The following DISC1 variants were observed in gnomAD, a reference collection of about 807,000 sequenced individuals.
The protein encoded by DISC1 is DISC1 scaffold protein.
DISC1 carries 57 observed loss-of-function variants against 84.5 expected under a neutral mutation model. The ratio of observed to expected loss-of-function variants is 0.67; its 90% CI spans 0.55 to 0.84. DISC1 has a LOEUF of 0.84. Ranked by LOEUF, DISC1 falls within the 40% of genes least tolerant of loss-of-function variation. DISC1 has a pLI of 0.00. For missense variants in DISC1, 1,000 were observed against 1,057.8 expected, an observed-to-expected ratio of 0.95 and a Z score of 0.76; for synonymous variants, 411 against 415.2, an observed-to-expected ratio of 0.99 and a Z score of 0.12.
At chr1:231,695,259 C>T (rs2065502621) in intron 2 of DISC1, among the ~76,000 whole-genome samples, 1 of 152,226 alleles carries the variant, frequency 6.6e-6, no homozygotes, top group African/African-American at 2.4e-5. Flanking sequence ...TGGCTGCTGC[C>T]TTCCACAGGG....
At chr1:232,012,023 T>A (rs1222255634) in intron 11 of DISC1, among the ~76,000 whole-genome samples, 21 of 152,156 alleles carry the variant, frequency 1.4e-4, no homozygotes. Flanking sequence ...TGATGAAGAT[T>A]TAAATAAAAG....
intron 1 of DISC1, among the ~76,000 whole-genome samples, chr1:231,636,049 G>T (rs2059172393): frequency 6.6e-6 from 1 of 152,148 alleles, no homozygotes; most frequent in South Asian, 2.1e-4. Context: ...ATAGATGGAG[G>T]AAGAAAGAAG....
chr1:232,034,219 C>T (rs1670314044), intron 12 of DISC1, among the ~76,000 whole-genome samples: 1 of 152,086 alleles, frequency 6.6e-6, no homozygotes, highest in South Asian at 2.1e-4. Context: ...TTTGACAGAG[C>T]CTAAGGTATT....
chr1:231,844,868 A>T (rs1010319067), intron 9 of DISC1, among the ~76,000 whole-genome samples: 1 of 150,550 alleles, frequency 6.6e-6, no homozygotes, highest in Non-Finnish European at 1.5e-5. Context: ...CGGAGCTTGC[A>T]GTGAGCTGAA....
intron 9 of DISC1, among the ~76,000 whole-genome samples, chr1:231,914,183 T>C (rs2089456244): frequency 6.6e-6 from 1 of 152,118 alleles, no homozygotes; most frequent in Non-Finnish European, 1.5e-5. Flanking sequence ...TACATCTGTG[T>C]TCCAGGCAGA....
chr1:231,723,662 C>T (rs2070205180), intron 3 of DISC1: 4 of 985,480 alleles, frequency 4.1e-6, no homozygotes, highest in Non-Finnish European at 3.6e-6. Context: ...TGGATTATGA[C>T]ACTGTCAGCC....
intron 3 of DISC1, chr1:231,720,845 C>G: frequency 7.7e-7 from 1 of 1,290,890 alleles, no homozygotes; most frequent in Non-Finnish European, 1.0e-6. Flanking sequence ...GTTTCGTTTA[C>G]AGGTTTGTTG....
Position 231,804,460 on chromosome 1 carries a change from C to CTT in DISC1, c.1792+4264_1792+4265dup, listed in dbSNP as rs559499171. 5.9e-3 allele frequency among the ~76,000 whole-genome samples: 828 copies of CTT among 140,126 alleles called. 6 individuals carry two copies. The highest frequency in any genetic ancestry group is 0.021 in the African/African-American group (789 of 38,472). The allele number at this position is 140,126 out of a possible 152,430, so 91.9% of individuals were successfully genotyped here. The stretch of plus-strand genomic sequence containing the variant: ...AGAGAACAGGACAAGATCCCCCTTC[C>CTT]TTTTTTTTTTTTTTTGAGGCAAGGT... On this transcript the variant is annotated intron_variant, in intron 8 of 12. Coordinates refer to ENST00000439617, the MANE Select transcript of DISC1 (RefSeq NM_018662.3).
intron 3 of DISC1, among the ~76,000 whole-genome samples, chr1:231,725,293 T>C (rs1270109206): frequency 6.6e-6 from 1 of 152,222 alleles, no homozygotes; most frequent in Non-Finnish European, 1.5e-5. Context: ...ACAAGCCTCC[T>C]GACCCAAACA....
intron 11 of DISC1, among the ~76,000 whole-genome samples, chr1:232,013,127 C>T (rs201064077): frequency 2.0e-5 from 3 of 152,140 alleles, no homozygotes; most frequent in Non-Finnish European, 4.4e-5. Flanking sequence ...GGCCATAATA[C>T]CTGCGTAATT....
intron 1 of DISC1, among the ~76,000 whole-genome samples, chr1:231,681,160 A>C (rs2063651790): frequency 6.6e-6 from 1 of 152,180 alleles, no homozygotes; most frequent in African/African-American, 2.4e-5. Context: ...AGAAAAAGAC[A>C]ATCGTTTAGG....
chr1:231,921,808 CTTTTTTTTT>C (rs11288115), intron 9 of DISC1, among the ~76,000 whole-genome samples: 4 of 120,222 alleles, frequency 3.3e-5, no homozygotes, highest in Admixed American at 1.8e-4. Context: ...CACTAGTTAC[CTTTTTTTTT>C]TTTTTTTTTT....
At chr1:231,992,732 A>C (rs1034601731) in intron 10 of DISC1, among the ~76,000 whole-genome samples, 1 of 152,186 alleles carries the variant, frequency 6.6e-6, no homozygotes, top group African/African-American at 2.4e-5. Context: ...ATCACTTATA[A>C]AAAAGGATTT....
chr1:231,664,886 C>T (rs1471300652), intron 1 of DISC1, among the ~76,000 whole-genome samples: 6 of 149,084 alleles, frequency 4.0e-5, no homozygotes, highest in Non-Finnish European at 7.4e-5. Flanking sequence ...GCAGACAAAC[C>T]ATGTATCCTA....
At chr1:231,809,403 T>A (rs191697716) in intron 8 of DISC1, among the ~76,000 whole-genome samples, 44 of 150,554 alleles carry the variant, frequency 2.9e-4, no homozygotes, top group African/African-American at 8.3e-4. Context: ...TTGGATATAT[T>A]TTTTTTTTAT....
intron 3 of DISC1, among the ~76,000 whole-genome samples, chr1:231,706,652 A>G (rs1558385242): frequency 1.3e-5 from 2 of 152,326 alleles, no homozygotes; most frequent in Non-Finnish European, 2.9e-5. Flanking sequence ...CCAGCATCAT[A>G]TTACTTTCTC....
At chr1:231,956,532 G>T (rs1301529306) in intron 9 of DISC1, among the ~76,000 whole-genome samples, 13 of 152,048 alleles carry the variant, frequency 8.5e-5, no homozygotes, top group Admixed American at 8.5e-4. Flanking sequence ...AGTTGCTGTA[G>T]GTCAATCTCA....
intron 1 of DISC1, among the ~76,000 whole-genome samples, chr1:231,653,087 A>G (rs987054002): frequency 1.3e-5 from 2 of 152,198 alleles, no homozygotes; most frequent in South Asian, 2.1e-4. Context: ...CCTAATGGTT[A>G]CACAGTATTC....
At chr1:232,018,364 A>T (rs201689925) in intron 11 of DISC1, among the ~76,000 whole-genome samples, 27 of 152,244 alleles carry the variant, frequency 1.8e-4, no homozygotes, top group Non-Finnish European at 3.8e-4. Context: ...GGGAACTATA[A>T]CTGAGTAAAA....
Sources: allele counts gnomAD v4.1 joint callset (sites outside exome capture counted in the v4.1 genomes callset), GRCh38; gene constraint gnomAD v4.1.1; transcripts MANE v1.5; gene names NCBI Gene and HGNC (gene_info 2026-07-23, HGNC 2026-07-21).